The following ADAM22 variants were observed in gnomAD, a reference collection of about 807,000 sequenced individuals.
The protein encoded by ADAM22 is disintegrin and metalloproteinase domain-containing protein 22.
A neutral mutation model predicts 144.6 loss-of-function variants in ADAM22; 65 were observed. That is an observed-to-expected ratio of 0.45 (90% CI 0.37 to 0.55). ADAM22 has a LOEUF of 0.55. ADAM22 is among the 20% of genes least tolerant of loss of function. ADAM22 has a pLI of 0.00. For synonymous variants in ADAM22, 391 were observed against 412.6 expected (o/e 0.95, Z 0.63); for missense variants, 974 against 1,184.9 (o/e 0.82, Z 2.61).
At chr7:87,969,364 G>A (rs1023873571) in intron 2 of ADAM22, among the ~76,000 whole-genome samples, 20 of 152,048 alleles carry the variant, frequency 1.3e-4, no homozygotes, top group Non-Finnish European at 1.0e-4. Context: ...GCATTCCTCG[G>A]TATCCCTACA....
chr7:88,057,729 T>A (rs747568515), intron 3 of ADAM22, among the ~76,000 whole-genome samples: 36 of 152,180 alleles, frequency 2.4e-4, no homozygotes, highest in African/African-American at 8.7e-4. Context: ...TTGGCTGATA[T>A]TTGCTGGAAA....
intron 3 of ADAM22, among the ~76,000 whole-genome samples, chr7:87,983,577 G>A (rs1166819724): frequency 6.6e-6 from 1 of 152,008 alleles, no homozygotes; most frequent in Non-Finnish European, 1.5e-5. Flanking sequence ...TAACATTCTA[G>A]TTTGACAATA....
chr7:87,952,418 G>C (rs2131418465), intron 2 of ADAM22, among the ~76,000 whole-genome samples: 1 of 152,214 alleles, frequency 6.6e-6, no homozygotes, highest in South Asian at 2.1e-4. Context: ...TTTTGTCTTT[G>C]GTTCTGTTTA....
chr7:88,097,815 A>T (rs1359835815), intron 4 of ADAM22, among the ~76,000 whole-genome samples: 2 of 152,164 alleles, frequency 1.3e-5, no homozygotes. Context: ...TCTTTATGCT[A>T]AAAAGTCCAT....
At chr7:87,990,853 C>T (rs941423651) in intron 3 of ADAM22, among the ~76,000 whole-genome samples, 2 of 152,048 alleles carry the variant, frequency 1.3e-5, no homozygotes, top group Non-Finnish European at 2.9e-5. Flanking sequence ...TTAGTAGAGA[C>T]GGAGTTTTGC....
In ADAM22 at chr7:88,201,393, G is replaced by A. The variant is rs1272668403; in HGVS notation, c.*4902G>A. ...GGAGATAAGAAGCAGAGAACTTTGG[G>A]AGACCATGGGGCATTTAGTCCTGGC... On this transcript the variant is annotated 3_prime_UTR_variant, in exon 32 of 32. Coordinates refer to ENST00000413139, the MANE Select transcript of ADAM22 (RefSeq NM_001324418.2). 1 of 152,218 alleles carries A rather than the reference G, an allele frequency of 6.6e-6. No individual in the cohort carries two copies. The highest frequency in any genetic ancestry group is 1.9e-4 in the East Asian group (1 of 5,196). The allele number at this position is 152,218 out of a possible 1,614,324, so 9.4% of individuals were successfully genotyped here.
intron 4 of ADAM22, among the ~76,000 whole-genome samples, chr7:88,093,384 G>A (rs975694936): frequency 1.3e-5 from 2 of 152,112 alleles, no homozygotes; most frequent in Non-Finnish European, 2.9e-5. Context: ...TGAATAAGGT[G>A]TGGCCACTAT....
At chr7:88,150,078 G>C (rs1732683873) in intron 18 of ADAM22, among the ~76,000 whole-genome samples, 1 of 152,134 alleles carries the variant, frequency 6.6e-6, no homozygotes. Context: ...CTGGGACATC[G>C]TCACCTATAT....
rs10228060 is a variant in ADAM22, at chr7:87,960,394, G to A, written c.247-17942G>A. Among the ~76,000 whole-genome samples, 1,407 of 151,800 alleles carry A rather than the reference G, an allele frequency of 9.3e-3. 22 individuals carry two copies. The highest frequency in any genetic ancestry group is 0.033 in the African/African-American group (1,346 of 41,400). ...TAGTGGGGTGTGTGTGTGTGTGTGT[G>A]TGTCTGTGTGTGTGTGTGTAGAGTA... On this transcript the variant is annotated intron_variant, in intron 2 of 31. Coordinates refer to ENST00000413139, the MANE Select transcript of ADAM22 (RefSeq NM_001324418.2).
At chr7:88,180,097 G>T (rs1846624217) in intron 27 of ADAM22, among the ~76,000 whole-genome samples, 1 of 152,020 alleles carries the variant, frequency 6.6e-6, no homozygotes, top group African/African-American at 2.4e-5. Context: ...GAATTAGTGA[G>T]ACCTGGGAAC....
chr7:88,134,224 G>A, intron 12 of ADAM22, 105 bp from the exon 13 acceptor site: 2 of 806,676 alleles, frequency 2.5e-6, no homozygotes, highest in South Asian at 1.8e-5. Flanking sequence ...TAAAGAAATT[G>A]CTTAGAAATT....
chr7:87,982,699 AAT>A (rs1562916947), intron 3 of ADAM22, among the ~76,000 whole-genome samples: 2,699 of 63,090 alleles, frequency 0.043, 274 homozygotes, highest in African/African-American at 0.19. Flanking sequence ...ATATATATAT[AAT>A]TTTTTTTTTT....
chr7:88,087,522 T>C (rs780343186), intron 4 of ADAM22, among the ~76,000 whole-genome samples: 4 of 152,172 alleles, frequency 2.6e-5, no homozygotes, highest in Non-Finnish European at 5.9e-5. Flanking sequence ...TCAAATCCTT[T>C]ATATAGGTCA....
At chr7:88,180,103 G>T (rs1305770282) in intron 27 of ADAM22, among the ~76,000 whole-genome samples, 1 of 151,972 alleles carries the variant, frequency 6.6e-6, no homozygotes, top group East Asian at 1.9e-4. Flanking sequence ...GTGAGACCTG[G>T]GAACTCTACT....
At chr7:87,953,841 A>G (rs954493716) in intron 2 of ADAM22, among the ~76,000 whole-genome samples, 1 of 152,112 alleles carries the variant, frequency 6.6e-6, no homozygotes, top group Non-Finnish European at 1.5e-5. Context: ...TTGGGTGCAT[A>G]TATATTTAGG....
At chr7:88,112,469 A>G (rs1826298905) in intron 5 of ADAM22, among the ~76,000 whole-genome samples, 2 of 152,204 alleles carry the variant, frequency 1.3e-5, no homozygotes. Flanking sequence ...CATTTCTACC[A>G]AAAACTAAAA....
chr7:88,161,051 C>CAT lies in ADAM22; in HGVS notation c.1908-1952_1908-1951dup, dbSNP rs566537630. 3.3e-3 allele frequency among the ~76,000 whole-genome samples: 495 copies of CAT among 151,938 alleles called. 2 individuals carry two copies. Among genetic ancestry groups the CAT allele is most frequent in the Middle Eastern group, 0.031 (9 of 294 alleles). ...CTGGGTGCAGCACACCAGCATGGTG[C>CAT]ATATATATATGTAACAAACCTGCAC... On this transcript the variant is annotated intron_variant, in intron 22 of 31. Transcript: ENST00000413139.
chr7:87,937,137 TTG>T (rs1841425268), intron 2 of ADAM22, among the ~76,000 whole-genome samples: 1 of 152,116 alleles, frequency 6.6e-6, no homozygotes, highest in African/African-American at 2.4e-5. Context: ...AAATTTGTTT[TTG>T]TAAAGATGGG....
intron 9 of ADAM22, among the ~76,000 whole-genome samples, chr7:88,129,484 T>C (rs1363186633): frequency 2.0e-5 from 3 of 152,032 alleles, no homozygotes; most frequent in Non-Finnish European, 2.9e-5. Flanking sequence ...ATAATAATAA[T>C]AACAACACAA....
Sources: allele counts gnomAD v4.1 joint callset (sites outside exome capture counted in the v4.1 genomes callset), GRCh38; gene constraint gnomAD v4.1.1; transcripts MANE v1.5; gene names NCBI Gene and HGNC (gene_info 2026-07-23, HGNC 2026-07-21).